Variants in GUCY1A1 observed in about 807,000 individuals in gnomAD.
GUCY1A1 encodes the protein guanylate cyclase soluble subunit alpha-1.
In GUCY1A1, 48 loss-of-function variants were observed where a neutral mutation model predicts 64.5. The observed-to-expected ratio is 0.74, with a 90% confidence interval of 0.59 to 0.95. The LOEUF is 0.95. GUCY1A1 is among the 40% of genes least tolerant of loss of function. The pLI is 0.00. For missense variants in GUCY1A1, 804 were observed against 825.3 expected, an observed-to-expected ratio of 0.97 and a Z score of 0.32; for synonymous variants, 308 against 303.4, an observed-to-expected ratio of 1.02 and a Z score of -0.16.
chr4:155,697,191 A>G, intron 3 of GUCY1A1, 69 bp downstream of exon 3: 1 of 1,239,002 alleles, frequency 8.1e-7, no homozygotes, highest in Non-Finnish European at 1.2e-6. Flanking sequence ...TTTTCCAAGG[A>G]AAATTTAAAC....
At chr4:155,720,804 C>T (rs1170590978) in intron 8 of GUCY1A1, among the ~76,000 whole-genome samples, 4 of 152,124 alleles carry the variant, frequency 2.6e-5, no homozygotes, top group Non-Finnish European at 5.9e-5. Flanking sequence ...TCTAATACAA[C>T]TTTTTAAAAT....
At chr4:155,704,792 C>T (rs1398508354) in intron 4 of GUCY1A1, among the ~76,000 whole-genome samples, 1 of 152,166 alleles carries the variant, frequency 6.6e-6, no homozygotes, top group Non-Finnish European at 1.5e-5. Context: ...TCATAGCTCA[C>T]TGCTGCCCAG....
At chr4:155,727,705 G>T (rs1362543315) in intron 9 of GUCY1A1, among the ~76,000 whole-genome samples, 1 of 151,524 alleles carries the variant, frequency 6.6e-6, no homozygotes, top group Non-Finnish European at 1.5e-5. Flanking sequence ...TGACACTCAT[G>T]TAGCCAATAC....
At chr4:155,701,171 A>G (rs546874008) in intron 3 of GUCY1A1, among the ~76,000 whole-genome samples, 1 of 152,284 alleles carries the variant, frequency 6.6e-6, no homozygotes, top group African/African-American at 2.4e-5. Context: ...TCTGTCTCTT[A>G]TGGGTTTTGT....
chr4:155,673,413 A>G (rs1164799503), intron 2 of GUCY1A1, among the ~76,000 whole-genome samples: 5 of 151,644 alleles, frequency 3.3e-5, no homozygotes, highest in East Asian at 1.9e-4. Flanking sequence ...AATAGTTTTA[A>G]TAAGTTTTAA....
At chr4:155,680,948 T>TGC (rs1735662380) in intron 2 of GUCY1A1, among the ~76,000 whole-genome samples, 1 of 111,012 alleles carries the variant, frequency 9.0e-6, no homozygotes, top group Non-Finnish European at 2.1e-5. Flanking sequence ...CACACACACA[T>TGC]GCACACACAC....
chr4:155,719,705 G>A (rs908572478), intron 8 of GUCY1A1, among the ~76,000 whole-genome samples: 3 of 152,184 alleles, frequency 2.0e-5, no homozygotes, highest in African/African-American at 7.2e-5. Flanking sequence ...GAAAGCAGCA[G>A]GTGGGTTGGT....
rs1436025599 is a variant in GUCY1A1 at position 155,732,631 on chromosome 4, A to G, written c.*2400A>G. Among the ~76,000 whole-genome samples, 1 of 151,926 alleles carries G rather than the reference A, an allele frequency of 6.6e-6. No individual in the cohort carries two copies. The highest frequency in any genetic ancestry group is 2.4e-5 in the African/African-American group (1 of 41,426). On this transcript the variant is annotated 3_prime_UTR_variant, in exon 10 of 10. Coordinates refer to ENST00000506455, the MANE Select transcript of GUCY1A1 (RefSeq NM_001130682.3). ...CCTGGAGCATAGATTCTTAAAATAA[A>G]TAAGGGGCCCAAGTCAGAGCTTTGA...
intron 7 of GUCY1A1, among the ~76,000 whole-genome samples, 160 bp from the exon 8 acceptor site, chr4:155,716,999 T>C (rs1283911256): frequency 2.0e-5 from 3 of 152,158 alleles, no homozygotes; most frequent in Non-Finnish European, 4.4e-5. Context: ...GCGCATTTCC[T>C]GAAAAAGAAA....
chr4:155,670,816 A>G (rs1182085897), intron 2 of GUCY1A1, among the ~76,000 whole-genome samples: 1 of 152,174 alleles, frequency 6.6e-6, no homozygotes, highest in African/African-American at 2.4e-5. Context: ...TAACTCACAT[A>G]CCAAGTCATC....
chr4:155,674,479 G>A (rs548167660), intron 2 of GUCY1A1, among the ~76,000 whole-genome samples: 13 of 151,348 alleles, frequency 8.6e-5, no homozygotes, highest in African/African-American at 2.7e-4. Context: ...AATAAAGAAG[G>A]GTTAGATTAC....
intron 7 of GUCY1A1, 80 bp downstream of exon 7, chr4:155,713,663 A>G: frequency 6.7e-7 from 1 of 1,481,852 alleles, no homozygotes; most frequent in Non-Finnish European, 9.2e-7. Context: ...CCTGAATTAT[A>G]ATGCAACTGA....
rs1735480502 is a variant in GUCY1A1 at position 155,730,999 on chromosome 4, T to A, written c.*768T>A. 1 of 153,442 alleles carries A rather than the reference T, an allele frequency of 6.5e-6. No homozygotes were observed. Among genetic ancestry groups the A allele is most frequent in the African/African-American group, 2.4e-5 (1 of 41,424 alleles). 9.5% of individuals were successfully genotyped at this position (153,442 alleles called of 1,614,324 possible). ...TTTAATTCCTATTAATTCATTTTAC[T>A]ATCATAATAGCAAAGTATTCAGAAT... is the stretch of plus-strand genomic sequence containing the variant. On this transcript the variant is annotated 3_prime_UTR_variant, in exon 10 of 10. Transcript: ENST00000506455.
chr4:155,713,529 C>G lies in GUCY1A1; in HGVS notation c.1518C>G (p.Leu506=), dbSNP rs755203325. Residue 506 remains leucine (L), a synonymous_variant, in exon 7 of 10, where the codon CTC becomes CTG. Coordinates refer to ENST00000506455, the MANE Select transcript of GUCY1A1 (RefSeq NM_001130682.3). ...QCSPLQVITM[L]NALYTRFDQQ... ...CACCGCTGCAGGTCATCACCATGCT[C>G]AATGCACTGTACACTCGCTTCGACC... is the stretch of plus-strand genomic sequence containing the variant. 1.2e-5 allele frequency: 20 copies of G among 1,613,940 alleles called. No homozygotes were observed. The highest frequency in any genetic ancestry group is 1.7e-5 in the Admixed American group (1 of 60,000).
chr4:155,711,112 G>A lies in GUCY1A1; in HGVS notation c.947G>A (p.Gly316Glu). Residue 316 changes from glycine to glutamate, a missense_variant, in exon 6 of 10, where the codon GGA becomes GAA. Gly to Glu is a moderately conservative substitution (Grantham distance 98). Coordinates refer to ENST00000506455, the MANE Select transcript of GUCY1A1 (RefSeq NM_001130682.3). Reference protein sequence around the residue: ...RRLMNRRDFQGKPNFEEYFEI... With the variant: ...RRLMNRRDFQEKPNFEEYFEI... ...CTGATGAACAGGAGAGACTTTCAAG[G>A]AAAGCCTAATTTTGAAGAATACTTT... 1.2e-6 allele frequency: 2 copies of A among 1,613,840 alleles called. No homozygotes were observed. Among genetic ancestry groups the A allele is most frequent in the East Asian group, 4.5e-5 (2 of 44,868 alleles).
At chr4:155,672,850 C>G (rs1734333414) in intron 2 of GUCY1A1, among the ~76,000 whole-genome samples, 1 of 152,176 alleles carries the variant, frequency 6.6e-6, no homozygotes, top group South Asian at 2.1e-4. Context: ...TCCACACATG[C>G]TTTCAATATT....
intron 2 of GUCY1A1, among the ~76,000 whole-genome samples, chr4:155,681,622 C>T (rs1735786269): frequency 6.6e-6 from 1 of 152,188 alleles, no homozygotes; most frequent in South Asian, 2.1e-4. Context: ...TTTTCGAACA[C>T]GTGTCCTCTT....
intron 9 of GUCY1A1, among the ~76,000 whole-genome samples, chr4:155,724,095 G>A (rs1339340746): frequency 6.6e-6 from 1 of 151,994 alleles, no homozygotes; most frequent in East Asian, 1.9e-4. Flanking sequence ...GGTTCTCTCA[G>A]CAGAGCTACC....
At chr4:155,673,831 T>G (rs568703867) in intron 2 of GUCY1A1, among the ~76,000 whole-genome samples, 11 of 151,680 alleles carry the variant, frequency 7.3e-5, no homozygotes, top group African/African-American at 2.7e-4. Context: ...AACTAAGCTC[T>G]GCTTCTTAAA....
Sources: gnomAD v4.1 joint callset for allele counts (sites outside exome capture counted in the v4.1 genomes callset) on GRCh38, gnomAD v4.1.1 for gene constraint, MANE v1.5 for transcripts, NCBI Gene and HGNC (gene_info 2026-07-23, HGNC 2026-07-21) for gene names.